SGCD: variants seen among roughly 807,000 people sequenced by gnomAD.
SGCD encodes the protein delta-sarcoglycan.
In SGCD, 18 loss-of-function variants were observed where a neutral mutation model predicts 36.6. The observed-to-expected ratio is 0.49, with a 90% CI of 0.34 to 0.73. The LOEUF (loss-of-function observed/expected upper bound fraction) is 0.73, where lower values mean the gene tolerates loss of function less well. Ranked by LOEUF, SGCD falls within the 30% of genes least tolerant of loss-of-function variation. The pLI, the probability that SGCD is intolerant of heterozygous loss-of-function variation, is 0.01. For synonymous variants in SGCD, 133 were observed against 130.6 expected (o/e 1.02, Z -0.12); for missense variants, 387 against 346.7 (o/e 1.12, Z -0.92).
At chr5:156,089,846 C>T (rs1392753248) in intron 1 of SGCD, among the ~76,000 whole-genome samples, 2 of 152,088 alleles carry the variant, frequency 1.3e-5, no homozygotes, top group Non-Finnish European at 2.9e-5. Flanking sequence ...TAGTGTGTTC[C>T]CTTATGTAGA....
intron 4 of SGCD, among the ~76,000 whole-genome samples, chr5:156,523,125 G>A (rs1047171258): frequency 6.6e-6 from 1 of 151,988 alleles, no homozygotes; most frequent in Non-Finnish European, 1.5e-5. Context: ...TTACTGATTG[G>A]GGCACTAAGG....
At chr5:156,641,390 C>A (rs1358712044) in intron 6 of SGCD, among the ~76,000 whole-genome samples, 1 of 152,124 alleles carries the variant, frequency 6.6e-6, no homozygotes, top group Non-Finnish European at 1.5e-5. Flanking sequence ...CATGAAGATA[C>A]CTTTAGCTAA....
At chr5:155,954,515 T>C (rs1449509473) in intron 1 of SGCD, among the ~76,000 whole-genome samples, 1 of 151,404 alleles carries the variant, frequency 6.6e-6, no homozygotes, top group East Asian at 1.9e-4. Context: ...TAGCACCCCA[T>C]CTGTACAACA....
chr5:156,220,397 T>C (rs540338958), intron 3 of SGCD, among the ~76,000 whole-genome samples: 35 of 152,262 alleles, frequency 2.3e-4, no homozygotes, highest in Admixed American at 2.3e-3. Flanking sequence ...GTCTATTAAA[T>C]AGATCAGCTT....
intron 1 of SGCD, among the ~76,000 whole-genome samples, chr5:156,056,659 A>AC (rs1760071270): frequency 7.0e-6 from 1 of 141,890 alleles, no homozygotes; most frequent in Non-Finnish European, 1.6e-5. Flanking sequence ...AAAAAAAAAA[A>AC]AAAAAACAGT....
chr5:156,455,384 T>G (rs1754209612), intron 3 of SGCD, among the ~76,000 whole-genome samples: 1 of 152,132 alleles, frequency 6.6e-6, no homozygotes, highest in African/African-American at 2.4e-5. Context: ...CCTCCTGGGA[T>G]AATATCTTCC....
Position 156,541,822 on chromosome 5 carries a change from T to A in SGCD, c.294+33120T>A, listed in dbSNP as rs17053609. Among the ~76,000 whole-genome samples, 1,876 of 152,252 alleles carry A rather than the reference T, an allele frequency of 0.012. 93 individuals are homozygous for A. In the East Asian group the frequency reaches 0.17, roughly 14 times the overall value. ...TGAATCTTTAGAGATGCTAAATAAC[T>A]CAACAAAGGTCGTAGCATTGGCAAA... On this transcript the variant is annotated intron_variant, in intron 4 of 8. Transcript: ENST00000337851.
intron 6 of SGCD, among the ~76,000 whole-genome samples, chr5:156,636,350 A>G (rs1328337422): frequency 1.3e-5 from 2 of 152,190 alleles, no homozygotes; most frequent in Admixed American, 6.5e-5. Context: ...GCTTAAGTAA[A>G]ATAGAATTCA....
chr5:156,357,142 C>G (rs114277521), intron 3 of SGCD, among the ~76,000 whole-genome samples: 2,613 of 152,308 alleles, frequency 0.017, 34 homozygotes, highest in African/African-American at 0.029. Flanking sequence ...ACCATCAATG[C>G]TATTAAGCGT....
intron 3 of SGCD, among the ~76,000 whole-genome samples, chr5:156,222,739 T>A (rs1764747192): frequency 6.6e-6 from 1 of 152,102 alleles, no homozygotes; most frequent in Admixed American, 6.6e-5. Flanking sequence ...ACATTTTAAA[T>A]ACCTACTAAA....
chr5:155,730,268 G>C, the SGCD span, among the ~76,000 whole-genome samples: 1 of 152,098 alleles, frequency 6.6e-6, no homozygotes, highest in Non-Finnish European at 1.5e-5. Context: ...TAAAGCTGTG[G>C]CCCCTCCAAA....
At chr5:156,706,147 C>T (rs1460216988) in intron 7 of SGCD, among the ~76,000 whole-genome samples, 2 of 151,960 alleles carry the variant, frequency 1.3e-5, no homozygotes, top group Non-Finnish European at 2.9e-5. Context: ...GTACAAATTC[C>T]AACCCATAAG....
At chr5:156,430,947 T>C (rs901638168) in intron 3 of SGCD, among the ~76,000 whole-genome samples, 10 of 152,158 alleles carry the variant, frequency 6.6e-5, no homozygotes, top group African/African-American at 2.4e-4. Context: ...CAAACGATGA[T>C]TCAGGCTTCA....
the SGCD span, among the ~76,000 whole-genome samples, chr5:155,793,265 C>T: frequency 1.3e-5 from 2 of 152,092 alleles, no homozygotes; most frequent in Non-Finnish European, 2.9e-5. Flanking sequence ...GAGGCTGGGG[C>T]ATAGACTGAA....
chr5:156,470,275 A>G lies in SGCD; in HGVS notation c.193-38326A>G, dbSNP rs75677186. On this transcript the variant is annotated intron_variant, in intron 3 of 8. Coordinates refer to ENST00000337851, the MANE Select transcript of SGCD (RefSeq NM_000337.6). The stretch of plus-strand genomic sequence containing the variant: ...TTACGTGAGAAGATATTAAAATAGA[A>G]GAATTATTCCATATGCTATTTGTCT... 5.9e-3 allele frequency among the ~76,000 whole-genome samples: 901 copies of G among 152,352 alleles called. 12 individuals carry two copies. The highest frequency in any genetic ancestry group is 0.02 in the African/African-American group (848 of 41,572).
intron 1 of SGCD, among the ~76,000 whole-genome samples, chr5:156,017,149 T>C (rs1407304065): frequency 1.3e-5 from 2 of 152,226 alleles, no homozygotes; most frequent in East Asian, 3.8e-4. Flanking sequence ...CATCTTTTTA[T>C]ATGTTTAAAA....
intron 1 of SGCD, among the ~76,000 whole-genome samples, chr5:156,081,457 ATCATAGT>A (rs1760950293): frequency 6.6e-6 from 1 of 152,132 alleles, no homozygotes; most frequent in Admixed American, 6.5e-5. Flanking sequence ...CAGTGGCACG[ATCATAGT>A]TCACTGCAGC....
intron 1 of SGCD, among the ~76,000 whole-genome samples, chr5:156,084,457 A>AGGCT (rs1468774320): frequency 6.6e-6 from 1 of 152,192 alleles, no homozygotes; most frequent in African/African-American, 2.4e-5. Context: ...TCTCTCATCC[A>AGGCT]AGTACCAACC....
intron 1 of SGCD, among the ~76,000 whole-genome samples, chr5:156,008,656 A>T (rs183878663): frequency 1.0e-3 from 152 of 152,318 alleles, no homozygotes; most frequent in African/African-American, 3.5e-3. Context: ...GTTTACAGGC[A>T]TGAACCATGG....
Sources: allele counts gnomAD v4.1 joint callset (sites outside exome capture counted in the v4.1 genomes callset), GRCh38; gene constraint gnomAD v4.1.1; transcripts MANE v1.5; gene names NCBI Gene and HGNC (gene_info 2026-07-23, HGNC 2026-07-21).